Variants in GALK2 observed in about 807,000 individuals in gnomAD.
GALK2 encodes the protein galactokinase 2, also known as N-acetylgalactosamine kinase.
Under a neutral mutation model 52.4 loss-of-function variants are expected in GALK2, and 36 were observed. The observed-to-expected ratio is 0.69, with a 90% confidence interval of 0.53 to 0.91. The LOEUF (loss-of-function observed/expected upper bound fraction) is 0.91, where lower values mean the gene tolerates loss of function less well. Among genes scored for constraint, GALK2 ranks in the 40% least tolerant of loss-of-function variants. The pLI, the probability that GALK2 is intolerant of heterozygous loss-of-function variation, is 0.00. For synonymous variants in GALK2, 176 were observed against 199.1 expected, an observed-to-expected ratio of 0.88 and a Z score of 0.98; for missense variants, 579 against 559.1, an observed-to-expected ratio of 1.04 and a Z score of -0.36.
At chr15:49,365,692 G>T in intron 3 of GALK2, 1 of 914,814 alleles carries the variant, frequency 1.1e-6, no homozygotes, top group Non-Finnish European at 1.8e-6. Context: ...CAACTTCAGT[G>T]TTTTAATTAA....
intron 1 of GALK2, among the ~76,000 whole-genome samples, chr15:49,194,727 C>G (rs1158692396): frequency 6.6e-6 from 1 of 151,410 alleles, no homozygotes; most frequent in East Asian, 1.9e-4. Context: ...TCCCGAGTAG[C>G]TAGGATTACA....
chr15:49,366,636 C>G lies in GALK2; in HGVS notation c.427-855C>G. On this transcript the variant is annotated intron_variant, in intron 3 of 3. Transcript: ENST00000558399. ...GCGGCTGTCAGCTGGAGCAGGAAGCCCCAGAGCAGGGCGGCCGTGGCAGGG... is the reference window on the plus strand; with the variant it reads ...GCGGCTGTCAGCTGGAGCAGGAAGCGCCAGAGCAGGGCGGCCGTGGCAGGG... 3 of 1,580,764 alleles carry G rather than the reference C, an allele frequency of 1.9e-6. No homozygotes were observed. The Admixed American group carries it at 5.0e-5, about 26-fold the overall frequency.
chr15:49,259,943 G>T (rs1016427945), intron 5 of GALK2, among the ~76,000 whole-genome samples: 2 of 151,714 alleles, frequency 1.3e-5, no homozygotes, highest in African/African-American at 4.8e-5. Context: ...GTATTCCATG[G>T]TGTATATGTG....
rs192383584 is a variant in GALK2 at position 49,235,668 on chromosome 15, A to G, written c.267-183A>G. On this transcript the variant is annotated intron_variant, in intron 3 of 9. Transcript: ENST00000560031. ...TGGAGGTAGTTTAGTCACTAAGGCC[A>G]CTGCAACTTCCTCTCTTAACTCTTA... 258 of 729,490 alleles carry G rather than the reference A, an allele frequency of 3.5e-4. 1 individual carries two copies. In the East Asian group the frequency reaches 6.0e-3, roughly 17 times the overall value. 45.2% of individuals were successfully genotyped at this position (729,490 alleles called of 1,614,324 possible). A position where few individuals can be genotyped will look rare whatever the true frequency, so the allele number is the denominator to read the frequency against.
intron 3 of GALK2, chr15:49,365,970 A>G: frequency 1.2e-6 from 1 of 845,770 alleles, no homozygotes; most frequent in Non-Finnish European, 2.1e-6. Flanking sequence ...TGTGGAAGAA[A>G]TAAAGTAAGA....
At chr15:49,195,742 GT>G (rs2087166200) in intron 1 of GALK2, among the ~76,000 whole-genome samples, 1 of 151,914 alleles carries the variant, frequency 6.6e-6, no homozygotes, top group Non-Finnish European at 1.5e-5. Context: ...CTGACTTGGG[GT>G]TTTTATGATG....
intron 3 of GALK2, chr15:49,226,729 C>T (rs1381096108): frequency 6.6e-6 from 1 of 152,106 alleles, no homozygotes; most frequent in Non-Finnish European, 1.5e-5. Flanking sequence ...CTATGATCTT[C>T]TCTGTTGGCA....
At chr15:49,279,720 AG>A (rs1371408439) in intron 5 of GALK2, among the ~76,000 whole-genome samples, 1 of 152,230 alleles carries the variant, frequency 6.6e-6, no homozygotes, top group African/African-American at 2.4e-5. Flanking sequence ...CCAGGGTCAC[AG>A]TTAGTTGGGC....
At chr15:49,271,407 A>T (rs1246660772) in intron 5 of GALK2, among the ~76,000 whole-genome samples, 1 of 152,178 alleles carries the variant, frequency 6.6e-6, no homozygotes, top group Non-Finnish European at 1.5e-5. Context: ...AAACAATGAA[A>T]GGGATTCAGT....
At chr15:49,179,958 G>A (rs546604321) in intron 1 of GALK2, among the ~76,000 whole-genome samples, 2 of 152,150 alleles carry the variant, frequency 1.3e-5, no homozygotes, top group South Asian at 4.1e-4. Flanking sequence ...GTACACTTCA[G>A]TTCTTTCTGT....
intron 5 of GALK2, among the ~76,000 whole-genome samples, chr15:49,259,972 G>T (rs2092018184): frequency 6.6e-6 from 1 of 151,226 alleles, no homozygotes; most frequent in South Asian, 2.1e-4. Flanking sequence ...TCTTAATCCA[G>T]TCTATCATTG....
chr15:49,365,127 G>T (rs2044905545), intron 3 of GALK2: 3 of 716,334 alleles, frequency 4.2e-6, no homozygotes, highest in East Asian at 2.5e-5. Flanking sequence ...TAATATTATT[G>T]CTGGACAATC....
chr15:49,319,848 A>G lies in GALK2; in HGVS notation c.1169+43A>G, dbSNP rs1003765247. On this transcript the variant is annotated intron_variant, in intron 9 of 9. Coordinates refer to ENST00000560031, the MANE Select transcript of GALK2 (RefSeq NM_002044.4). Reference sequence around the variant, plus strand: ...GGGCCAAGGGATGCCATCAAATAATATTGTTTAAATTAATGGAAAAAAATG... The same window carrying G: ...GGGCCAAGGGATGCCATCAAATAATGTTGTTTAAATTAATGGAAAAAAATG... The G allele has an allele frequency of 2.6e-6, 4 of 1,514,328 alleles. No individual in the cohort carries two copies. The African/African-American group carries it at 5.5e-5, about 21-fold the overall frequency. The allele number at this position is 1,514,328 out of a possible 1,614,324, so 93.8% of individuals were successfully genotyped here. A position where few individuals can be genotyped will look rare whatever the true frequency, so the allele number is the denominator to read the frequency against.
chr15:49,187,875 C>G (rs886573802), intron 1 of GALK2, among the ~76,000 whole-genome samples: 17 of 152,160 alleles, frequency 1.1e-4, no homozygotes, highest in Admixed American at 1.1e-3. Context: ...AAAATGCCAT[C>G]CAGGAGCCAA....
intron 3 of GALK2, among the ~76,000 whole-genome samples, chr15:49,223,983 G>T (rs573113845): frequency 6.6e-6 from 1 of 152,102 alleles, no homozygotes; most frequent in East Asian, 1.9e-4. Context: ...TTTCCACAGT[G>T]GCTGAACTAA....
chr15:49,357,779 A>G (rs1442147570), intron 3 of GALK2, among the ~76,000 whole-genome samples: 1 of 152,144 alleles, frequency 6.6e-6, no homozygotes. Context: ...GCAGAGACAC[A>G]ACAAAAAAAG....
At chr15:49,311,997 C>A (rs2036030439) in intron 8 of GALK2, among the ~76,000 whole-genome samples, 1 of 152,146 alleles carries the variant, frequency 6.6e-6, no homozygotes, top group Non-Finnish European at 1.5e-5. Context: ...CTCATTAAGC[C>A]CCCTTTATTG....
At chr15:49,228,687 ATTTTT>A (rs1174406561) in intron 3 of GALK2, among the ~76,000 whole-genome samples, 1 of 14,274 alleles carries the variant, frequency 7.0e-5, no homozygotes, top group African/African-American at 3.4e-4. Context: ...ATATATATAT[ATTTTT>A]TTTTTTTTTT....
chr15:49,296,533 T>G (rs1272468520), intron 8 of GALK2, among the ~76,000 whole-genome samples: 1 of 152,194 alleles, frequency 6.6e-6, no homozygotes, highest in African/African-American at 2.4e-5. Flanking sequence ...CTGTTGGGCA[T>G]CTAGTTTGAT....
Sources: allele counts gnomAD v4.1 joint callset (sites outside exome capture counted in the v4.1 genomes callset), GRCh38; gene constraint gnomAD v4.1.1; transcripts MANE v1.5; gene names NCBI Gene and HGNC (gene_info 2026-07-23, HGNC 2026-07-21).